Variants in NARS2 observed in about 807,000 individuals in gnomAD.
NARS2 encodes asparaginyl-tRNA synthetase.
Under a neutral mutation model 62.9 loss-of-function variants are expected in NARS2, and 60 were observed. The ratio of observed to expected loss-of-function variants is 0.95; its 90% confidence interval spans 0.77 to 1.18. The LOEUF (loss-of-function observed/expected upper bound fraction) is 1.18. Among genes scored for constraint, NARS2 ranks in the 50% most tolerant of loss-of-function variants. NARS2 has a pLI of 0.00. For synonymous variants in NARS2, 196 were observed against 200.0 expected (o/e 0.98, Z 0.17); for missense variants, 619 against 576.4 (o/e 1.07, Z -0.76).
chr11:78,513,639 G>A (rs987276822), intron 6 of NARS2, among the ~76,000 whole-genome samples: 7 of 151,656 alleles, frequency 4.6e-5, no homozygotes, highest in Admixed American at 6.6e-5. Context: ...TTAGCCGGGC[G>A]TAGTGGTGGG....
chr11:78,445,683 C>T (rs2135147400), intron 11 of NARS2, among the ~76,000 whole-genome samples: 1 of 152,218 alleles, frequency 6.6e-6, no homozygotes, highest in South Asian at 2.1e-4. Context: ...GGCACAGTGG[C>T]ATGTGCTTGT....
At chr11:78,546,264 G>C (rs1855871000) in intron 5 of NARS2, among the ~76,000 whole-genome samples, 1 of 152,188 alleles carries the variant, frequency 6.6e-6, no homozygotes, top group African/African-American at 2.4e-5. Context: ...CACACAAATA[G>C]TTTGAGGTCT....
chr11:78,540,801 A>G (rs1281394050), intron 5 of NARS2, among the ~76,000 whole-genome samples: 1 of 152,196 alleles, frequency 6.6e-6, no homozygotes, highest in Non-Finnish European at 1.5e-5. Flanking sequence ...TTCTTTCTTG[A>G]TCCCAATTAA....
At chr11:78,544,421 A>G (rs1363485641) in intron 5 of NARS2, among the ~76,000 whole-genome samples, 8 of 152,200 alleles carry the variant, frequency 5.3e-5, no homozygotes, top group Non-Finnish European at 1.2e-4. Context: ...TATTATTTTA[A>G]TATGCTCTGA....
chr11:78,518,222 A>G (rs1239949747), intron 6 of NARS2, among the ~76,000 whole-genome samples: 1 of 152,234 alleles, frequency 6.6e-6, no homozygotes, highest in Non-Finnish European at 1.5e-5. Flanking sequence ...TTAATTTAAA[A>G]TATATGGGAG....
chr11:78,528,783 G>C (rs1264307446), intron 6 of NARS2, 59 bp downstream of exon 6: 6 of 1,095,754 alleles, frequency 5.5e-6, no homozygotes, highest in Middle Eastern at 3.9e-4. Context: ...CATGGGAAGG[G>C]AAGCACTCTC....
At chr11:78,484,912 A>G (rs897185612) in intron 7 of NARS2, among the ~76,000 whole-genome samples, 3 of 152,230 alleles carry the variant, frequency 2.0e-5, no homozygotes, top group South Asian at 2.1e-4. Context: ...AAATCATTCT[A>G]CTTTATAAAG....
intron 6 of NARS2, among the ~76,000 whole-genome samples, chr11:78,516,349 T>A (rs1590803582): frequency 6.6e-6 from 1 of 152,182 alleles, no homozygotes; most frequent in Non-Finnish European, 1.5e-5. Flanking sequence ...AGAATCTACA[T>A]CAAATATAAC....
chr11:78,460,325 C>T (rs1381673725), intron 11 of NARS2, among the ~76,000 whole-genome samples: 4 of 150,156 alleles, frequency 2.7e-5, no homozygotes, highest in East Asian at 3.9e-4. Context: ...CAGGCTGGTC[C>T]GGAACTCCTG....
intron 5 of NARS2, among the ~76,000 whole-genome samples, chr11:78,558,836 A>G (rs1472391003): frequency 2.0e-5 from 3 of 152,216 alleles, no homozygotes; most frequent in Admixed American, 2.0e-4. Context: ...AATGATATTC[A>G]CATGTATACT....
chr11:78,488,742 G>A (rs1591194716), intron 7 of NARS2, among the ~76,000 whole-genome samples: 1 of 152,274 alleles, frequency 6.6e-6, no homozygotes, highest in East Asian at 1.9e-4. Flanking sequence ...TACTTGAAGT[G>A]TTAAAAAAGT....
In NARS2 at chr11:78,509,588, C is replaced by T. The variant is rs113640849; in HGVS notation, c.690-16393G>A. On this transcript the variant is annotated intron_variant, in intron 6 of 13. Transcript: ENST00000281038. ...ATTGCAAATTTTGGTTGTAAATCCA[C>T]ATTCTGTTTTCTACAGCTTTAATTT... Among the ~76,000 whole-genome samples, 1,317 of 152,018 alleles carry T rather than the reference C, an allele frequency of 8.7e-3. 27 individuals are homozygous for T. The highest frequency in any genetic ancestry group is 0.03 in the African/African-American group (1,263 of 41,478).
At chr11:78,570,820 G>T (rs1053597216) in intron 2 of NARS2, among the ~76,000 whole-genome samples, 4 of 152,044 alleles carry the variant, frequency 2.6e-5, no homozygotes, top group Non-Finnish European at 5.9e-5. Flanking sequence ...CTAACCTCAG[G>T]AAATTAAGAG....
chr11:78,560,428 T>C (rs1301638822), intron 4 of NARS2, among the ~76,000 whole-genome samples: 1 of 152,228 alleles, frequency 6.6e-6, no homozygotes, highest in East Asian at 1.9e-4. Flanking sequence ...TGACTATGGA[T>C]GTAAGCAAAA....
chr11:78,464,692 G>A lies in NARS2; in HGVS notation c.1164+1184C>T, dbSNP rs185943831. Among the ~76,000 whole-genome samples, 933 of 151,826 alleles carry A rather than the reference G, an allele frequency of 6.1e-3. 4 individuals carry two copies. The highest frequency in any genetic ancestry group is 0.031 in the Middle Eastern group (9 of 294). On this transcript the variant is annotated intron_variant, in intron 11 of 13. Transcript: ENST00000281038. The stretch of plus-strand genomic sequence containing the variant: ...TGATTGGTGTATTTACAATCCCTTA[G>A]CTAGACATAAAGGTTCTCCAAGTCC...
At position 78,465,964 on chromosome 11, in the gene NARS2, C is replaced by T. The variant is rs1297292391; in HGVS notation, c.1076G>A (p.Cys359Tyr). Residue 359 changes from cysteine to tyrosine, a missense_variant, in exon 11 of 14, where the codon TGT (cysteine) becomes TAT (tyrosine). By Grantham distance (194) the Cys-to-Tyr change is radical. Transcript: ENST00000281038. ...AATAACGAAGACAGGTATGTTGCCA[C>T]AGTGCTTCACCAGGTACTTTTCATG... ...TEHEKYLVKHCGNIPVFVINY... is the reference protein window; with the variant it reads ...TEHEKYLVKHYGNIPVFVINY... 5 of 1,613,798 alleles carry T rather than the reference C, an allele frequency of 3.1e-6. No homozygotes were observed. The highest frequency in any genetic ancestry group is 2.2e-5 in the East Asian group (1 of 44,882).
At chr11:78,494,265 C>T (rs144601320) in intron 6 of NARS2, among the ~76,000 whole-genome samples, 6 of 152,212 alleles carry the variant, frequency 3.9e-5, no homozygotes. Context: ...AGATCAAGCA[C>T]ATATGAAGTA....
In NARS2 at chr11:78,516,093, G is replaced by C. The variant is rs568023549; in HGVS notation, c.689+12749C>G. 2.0e-5 allele frequency among the ~76,000 whole-genome samples: 3 copies of C among 152,278 alleles called. No homozygotes were observed. The South Asian group carries it at 6.2e-4, about 32-fold the overall frequency. ...GGTTTATAAAAGATTCTAAGTATTT[G>C]GAAGTTGATAAAGACACAGGGCAGA... On this transcript the variant is annotated intron_variant, in intron 6 of 13. Coordinates refer to ENST00000281038, the MANE Select transcript of NARS2 (RefSeq NM_024678.6).
chr11:78,570,058 C>T (rs144908157), intron 2 of NARS2, among the ~76,000 whole-genome samples: 28 of 152,004 alleles, frequency 1.8e-4, no homozygotes, highest in African/African-American at 6.0e-4. Context: ...AGTGTGGTGT[C>T]GCACACCTGT....
Sources: allele counts gnomAD v4.1 joint callset (sites outside exome capture counted in the v4.1 genomes callset), GRCh38; gene constraint gnomAD v4.1.1; transcripts MANE v1.5; gene names NCBI Gene and HGNC (gene_info 2026-07-23, HGNC 2026-07-21).